LOC128092252: variants seen among roughly 807,000 people sequenced by gnomAD.
At chr15:50,648,884 A>C in the LOC128092252 span, 1 of 1,600,962 alleles carries the variant, frequency 6.2e-7, no homozygotes, top group Non-Finnish European at 8.5e-7. Flanking sequence ...CCACAAAAAC[A>C]CCTAAAAGAA....
At chr15:50,649,863 C>G in the LOC128092252 span, among the ~76,000 whole-genome samples, 1 of 152,010 alleles carries the variant, frequency 6.6e-6, no homozygotes, top group Non-Finnish European at 1.5e-5. Flanking sequence ...CGAGAAAGTT[C>G]CAAGTATCTG....
At chr15:50,652,075 G>A in the LOC128092252 span, among the ~76,000 whole-genome samples, 1 of 151,638 alleles carries the variant, frequency 6.6e-6, no homozygotes, top group African/African-American at 2.4e-5. Flanking sequence ...GCTCATGCCT[G>A]TAATCCCAGC....
At chr15:50,676,051 A>G in the LOC128092252 span, among the ~76,000 whole-genome samples, 1 of 152,242 alleles carries the variant, frequency 6.6e-6, no homozygotes, top group African/African-American at 2.4e-5. Flanking sequence ...AAGTTGTTTT[A>G]GCACAATGCA....
the LOC128092252 span, among the ~76,000 whole-genome samples, chr15:50,667,276 G>A: frequency 6.6e-6 from 1 of 152,214 alleles, no homozygotes; most frequent in Middle Eastern, 3.4e-3. Flanking sequence ...TTCCTCCAAG[G>A]GCTCTACCTT....
the LOC128092252 span, among the ~76,000 whole-genome samples, chr15:50,666,520 G>A: frequency 6.6e-6 from 1 of 151,900 alleles, no homozygotes; most frequent in Non-Finnish European, 1.5e-5. Context: ...AAAAGAAAAA[G>A]AGGCCGGGTG....
the LOC128092252 span, among the ~76,000 whole-genome samples, chr15:50,650,649 C>T: frequency 6.6e-6 from 1 of 151,516 alleles, no homozygotes; most frequent in South Asian, 2.1e-4. Context: ...GAGCCGAGAT[C>T]GTGCCACTGC....
the LOC128092252 span, among the ~76,000 whole-genome samples, chr15:50,671,851 T>C: frequency 1.7e-4 from 26 of 152,184 alleles, no homozygotes; most frequent in African/African-American, 6.0e-4. Context: ...CCATCATAAG[T>C]TCATAGCACC....
chr15:50,674,684 C>T, the LOC128092252 span, among the ~76,000 whole-genome samples: 7 of 152,094 alleles, frequency 4.6e-5, no homozygotes, highest in African/African-American at 1.7e-4. Context: ...TGTCTTTCAG[C>T]TTGAAGAAAT....
the LOC128092252 span, among the ~76,000 whole-genome samples, chr15:50,661,888 T>C: frequency 6.6e-6 from 1 of 152,196 alleles, no homozygotes; most frequent in Non-Finnish European, 1.5e-5. Flanking sequence ...ATATCTTAGA[T>C]TTCCTTAAGT....
the LOC128092252 span, among the ~76,000 whole-genome samples, chr15:50,665,108 A>G: frequency 3.3e-5 from 5 of 152,220 alleles, no homozygotes; most frequent in Non-Finnish European, 5.9e-5. Flanking sequence ...AGGCATTTAT[A>G]AAAATTAATC....
the LOC128092252 span, among the ~76,000 whole-genome samples, chr15:50,685,836 C>T: frequency 1.3e-5 from 2 of 152,146 alleles, no homozygotes; most frequent in East Asian, 3.9e-4. Flanking sequence ...TTCTCTGGGG[C>T]AAGGGATGCG....
chr15:50,671,637 T>G, the LOC128092252 span, among the ~76,000 whole-genome samples: 10 of 104,930 alleles, frequency 9.5e-5, no homozygotes, highest in South Asian at 3.0e-4. Flanking sequence ...AATGAGATCC[T>G]GTCGCTACAA....
chr15:50,680,157 C>T, the LOC128092252 span, among the ~76,000 whole-genome samples: 1 of 152,008 alleles, frequency 6.6e-6, no homozygotes, highest in African/African-American at 2.4e-5. Context: ...TCACTTGAAC[C>T]CGGGAGGCAG....
At chr15:50,685,233 C>CGGGCGGATCACCTGAGGT in the LOC128092252 span, among the ~76,000 whole-genome samples, 1 of 152,162 alleles carries the variant, frequency 6.6e-6, no homozygotes, top group Non-Finnish European at 1.5e-5. Context: ...GGGGCTGAGG[C>CGGGCGGATCACCTGAGGT]GGGCGGATCA....
chr15:50,685,998 T>C, the LOC128092252 span, among the ~76,000 whole-genome samples: 2 of 152,220 alleles, frequency 1.3e-5, no homozygotes, highest in Non-Finnish European at 2.9e-5. Context: ...AAAGGAAATG[T>C]ACCTGTAGAG....
the LOC128092252 span, among the ~76,000 whole-genome samples, chr15:50,664,805 T>G: frequency 6.6e-6 from 1 of 151,864 alleles, no homozygotes; most frequent in Admixed American, 6.6e-5. Context: ...ACAAAAAAAT[T>G]AAACAGTCAG....
the LOC128092252 span, among the ~76,000 whole-genome samples, chr15:50,654,439 A>G: frequency 2.0e-5 from 3 of 150,802 alleles, no homozygotes; most frequent in Admixed American, 6.6e-5. Context: ...AGAACAAGAC[A>G]CCATCTCAAA....
chr15:50,668,934 T>G, the LOC128092252 span, among the ~76,000 whole-genome samples: 1 of 152,308 alleles, frequency 6.6e-6, no homozygotes, highest in East Asian at 1.9e-4. Flanking sequence ...GGAATCAAAC[T>G]TGACTTGTAG....
the LOC128092252 span, among the ~76,000 whole-genome samples, chr15:50,669,673 T>C: frequency 1.7e-4 from 26 of 152,170 alleles, no homozygotes; most frequent in African/African-American, 5.8e-4. Context: ...AACTATGGTA[T>C]ACCTGTCAGT....
Sources: gnomAD v4.1 joint callset for allele counts (sites outside exome capture counted in the v4.1 genomes callset) on GRCh38, gnomAD v4.1.1 for gene constraint, MANE v1.5 for transcripts.